C10orf53: variants seen among roughly 807,000 people sequenced by gnomAD.
C10orf53 encodes the protein chromosome 10 open reading frame 53.
C10orf53 carries 8 observed loss-of-function variants against 9.4 expected under a neutral mutation model. That is an observed-to-expected ratio of 0.85 (90% confidence interval 0.50 to 1.53). The LOEUF (loss-of-function observed/expected upper bound fraction) is 1.53. Among genes scored for constraint, C10orf53 ranks in the 40% most tolerant of loss-of-function variants. The probability of loss-of-function intolerance (pLI) is 0.00; values close to 1 mark genes in which losing one functional copy is unlikely to be tolerated. For missense variants in C10orf53, 117 were observed against 117.8 expected, an observed-to-expected ratio of 0.99 and a Z score of 0.03; for synonymous variants, 48 against 46.0, an observed-to-expected ratio of 1.04 and a Z score of -0.18.
Position 49,694,759 on chromosome 10 carries a change from G to T in C10orf53, c.*157G>T, listed in dbSNP as rs1382904418. ...TGACCTCCAGCTTACGCAGCCTCAG[G>T]ATTGTCACCTGGCTGCACAGGAGCC... On this transcript the variant is annotated 3_prime_UTR_variant, in exon 3 of 3. Coordinates refer to ENST00000374111, the MANE Select transcript of C10orf53 (RefSeq NM_001042427.3). The T allele has an allele frequency of 1.4e-6, 2 of 1,433,854 alleles. No homozygotes were observed. Among genetic ancestry groups the T allele is most frequent in the African/African-American group, 2.8e-5 (2 of 70,202 alleles). 88.8% of individuals were successfully genotyped at this position (1,433,854 alleles called of 1,614,324 possible).
intron 1 of C10orf53, among the ~76,000 whole-genome samples, chr10:49,689,605 T>G (rs1307197376): frequency 2.6e-5 from 4 of 152,050 alleles, no homozygotes; most frequent in Admixed American, 6.5e-5. Context: ...AGCGAAAAAT[T>G]GGAAACAATC....
intron 1 of C10orf53, among the ~76,000 whole-genome samples, chr10:49,692,624 CA>C (rs796072294): frequency 7.8e-4 from 119 of 152,258 alleles, no homozygotes; most frequent in African/African-American, 2.6e-3. Context: ...TGAAGACCAA[CA>C]AAGGTAATGA....
chr10:49,703,457 G>A (rs61849383), intron 2 of C10orf53, among the ~76,000 whole-genome samples: 69,259 of 151,978 alleles, frequency 0.46, 16,200 homozygotes, highest in Middle Eastern at 0.5. Context: ...GAAAAGGACC[G>A]AAAATTGGAG....
intron 1 of C10orf53, among the ~76,000 whole-genome samples, chr10:49,688,452 A>G (rs753979731): frequency 1.1e-4 from 17 of 151,718 alleles, no homozygotes; most frequent in Non-Finnish European, 2.1e-4. Flanking sequence ...TGCAACCCTC[A>G]TCTGCTTGCA....
exon 3 of C10orf53, chr10:49,708,868 G>A: frequency 1.8e-6 from 1 of 548,732 alleles, no homozygotes; most frequent in South Asian, 2.3e-5. Flanking sequence ...CTCAATTTGG[G>A]AACTTGGGGA....
chr10:49,708,585 G>C, exon 3 of C10orf53: 2 of 1,614,130 alleles, frequency 1.2e-6, no homozygotes, highest in South Asian at 2.2e-5. Context: ...GCTCATTTCT[G>C]GACTAGAGAA....
At chr10:49,689,837 A>G (rs1220167079) in intron 1 of C10orf53, among the ~76,000 whole-genome samples, 3 of 152,222 alleles carry the variant, frequency 2.0e-5, no homozygotes, top group Admixed American at 6.5e-5. Flanking sequence ...GTCCTTTTCT[A>G]TAATTTTAAA....
chr10:49,699,899 C>G (rs892602798), downstream of C10orf53, among the ~76,000 whole-genome samples: 1 of 151,878 alleles, frequency 6.6e-6, no homozygotes, highest in East Asian at 1.9e-4. Flanking sequence ...GCTCATCCCC[C>G]CCGAGATCAG....
intron 1 of C10orf53, among the ~76,000 whole-genome samples, chr10:49,691,785 G>A (rs956002768): frequency 1.3e-5 from 2 of 152,188 alleles, no homozygotes; most frequent in African/African-American, 4.8e-5. Flanking sequence ...CAGTGTGCTC[G>A]CCTCCTGGGG....
intron 2 of C10orf53, among the ~76,000 whole-genome samples, chr10:49,705,894 T>G (rs1840719359): frequency 6.6e-6 from 1 of 151,076 alleles, no homozygotes; most frequent in South Asian, 2.1e-4. Flanking sequence ...GTATCTAAAA[T>G]AAAGAACTCT....
chr10:49,689,305 A>C (rs1212476885), intron 1 of C10orf53, among the ~76,000 whole-genome samples: 1 of 152,174 alleles, frequency 6.6e-6, no homozygotes, highest in Non-Finnish European at 1.5e-5. Context: ...TTCAGGAAGA[A>C]AATTACCAGT....
At position 49,707,032 on chromosome 10, in the gene C10orf53, G is replaced by A. The variant is rs893840386; in HGVS notation, c.218-1329G>A. ...CTATGTTGTTTGATTTTTTTACAAT[G>A]AGCACATGCTACTTTGTTAGCATAC... On this transcript the variant is annotated intron_variant, in intron 2 of 2. Transcript: ENST00000374112. 3.9e-5 allele frequency among the ~76,000 whole-genome samples: 6 copies of A among 152,032 alleles called. No homozygotes were observed. In the East Asian group the frequency reaches 5.8e-4, roughly 15 times the overall value.
At chr10:49,679,846 G>GT in intron 1 of C10orf53, 52 bp downstream of exon 1, 1 of 1,469,160 alleles carries the variant, frequency 6.8e-7, no homozygotes, top group South Asian at 1.3e-5. Flanking sequence ...CTGAGCATCC[G>GT]TGCAGGTGGT....
intron 2 of C10orf53, among the ~76,000 whole-genome samples, chr10:49,704,733 G>A (rs1175967392): frequency 6.6e-6 from 1 of 152,130 alleles, no homozygotes; most frequent in Non-Finnish European, 1.5e-5. Flanking sequence ...GGCAGAGCGA[G>A]ACTCTGTCTC....
chr10:49,683,939 A>T (rs1840503655), intron 1 of C10orf53, among the ~76,000 whole-genome samples: 1 of 152,188 alleles, frequency 6.6e-6, no homozygotes, highest in African/African-American at 2.4e-5. Flanking sequence ...GATTATGCAG[A>T]TTTGCCCCCA....
At chr10:49,706,474 G>A (rs893488742) in intron 2 of C10orf53, among the ~76,000 whole-genome samples, 3 of 152,230 alleles carry the variant, frequency 2.0e-5, no homozygotes, top group African/African-American at 7.2e-5. Context: ...AGTAAAGGAA[G>A]ACCATGTATT....
At chr10:49,702,244 G>GGAGA (rs769845551), downstream of C10orf53, among the ~76,000 whole-genome samples, 23 of 146,162 alleles carry the variant, frequency 1.6e-4, no homozygotes, top group East Asian at 1.3e-3. Flanking sequence ...AGGGAGGGAG[G>GGAGA]GAGGGAGGGA....
chr10:49,708,734 T>C, exon 3 of C10orf53: 1 of 1,458,566 alleles, frequency 6.9e-7, no homozygotes, highest in Non-Finnish European at 9.2e-7. Flanking sequence ...TTGTCCCACA[T>C]CTCCCGAACC....
At position 49,694,224 on chromosome 10, in the gene C10orf53, C is replaced by T. The variant is rs141001670; in HGVS notation, c.218-314C>T. 496 of 574,316 alleles carry T rather than the reference C, an allele frequency of 8.6e-4. 4 individuals carry two copies. Among genetic ancestry groups the T allele is most frequent in the African/African-American group, 6.7e-3 (362 of 53,712 alleles). 35.6% of individuals were successfully genotyped at this position (574,316 alleles called of 1,614,324 possible). ...TATGTATTCTGTTATTATTTGCTTT[C>T]GAAGCTGCTTTTTTTCCACTTGTTT... On this transcript the variant is annotated intron_variant, in intron 2 of 2. Transcript: ENST00000374111.
Sources: gnomAD v4.1 joint callset for allele counts (sites outside exome capture counted in the v4.1 genomes callset) on GRCh38, gnomAD v4.1.1 for gene constraint, MANE v1.5 for transcripts, NCBI Gene and HGNC (gene_info 2026-07-23, HGNC 2026-07-21) for gene names.